Variants in RNF166 observed in about 807,000 individuals in gnomAD.
The protein encoded by RNF166 is ring finger protein 166.
RNF166 carries 19 observed loss-of-function variants against 29.4 expected under a neutral mutation model. The observed-to-expected ratio is 0.65, with a 90% CI of 0.45 to 0.95. RNF166 has a LOEUF of 0.95. Ranked by LOEUF, RNF166 falls within the 40% of genes least tolerant of loss-of-function variation. RNF166 has a pLI of 0.00. For synonymous variants in RNF166, 171 were observed against 134.5 expected (o/e 1.27, Z -1.88); for missense variants, 347 against 322.1 (o/e 1.08, Z -0.59).
Position 88,698,564 on chromosome 16 carries a change from T to C in RNF166, c.586A>G (p.Lys196Glu), listed in dbSNP as rs1455070755. The C allele has an allele frequency of 1.3e-6, 2 of 1,569,528 alleles. No homozygotes were observed. Among genetic ancestry groups the C allele is most frequent in the African/African-American group, 2.7e-5 (2 of 73,768 alleles). ...AGGTGCTGCAGGAAGTTGGCGCTCT[T>C]GTAGCTGGGGTCCCCCCAGGGCATT... ...SAMPWGDPSYKSANFLQHLLH... is the reference protein window; with the variant it reads ...SAMPWGDPSYESANFLQHLLH... The change falls in exon 5 of 6, where the codon AAG becomes GAG. Residue 196 changes from lysine to glutamate, a missense_variant. By Grantham distance (56) the Lys-to-Glu change is moderately conservative (BLOSUM62 1). Coordinates refer to ENST00000312838, the MANE Select transcript of RNF166 (RefSeq NM_178841.4).
chr16:88,701,382 C>T lies in RNF166; in HGVS notation c.192G>A (p.Val64=), dbSNP rs1408841791. ...GGCAGAGTGGGCACAGCGGGGATGG[C>T]ACCTGCAGGCAGGGCTGGAGACACT... ...CGECLQPCLQ[V]PSPLCPLCRL... The change falls in exon 2 of 6, where the codon GTG becomes GTA. Residue 64 remains valine, a synonymous_variant. Transcript: ENST00000312838. 4 of 1,610,670 alleles carry T rather than the reference C, an allele frequency of 2.5e-6. No homozygotes were observed. The highest frequency in any genetic ancestry group is 2.2e-5 in the East Asian group (1 of 44,860).
intron 1 of RNF166, chr16:88,701,655 T>G (rs1369864943): frequency 4.2e-6 from 2 of 477,926 alleles, no homozygotes; most frequent in South Asian, 3.3e-5. Flanking sequence ...CTGTGGTTTC[T>G]GGCTAGCGGC....
rs769560580 is a variant in RNF166 at position 88,701,396 on chromosome 16, G to A, written c.178C>T (p.Pro60Ser). The A allele has an allele frequency of 1.2e-6, 2 of 1,605,188 alleles. No individual in the cohort carries two copies. Among genetic ancestry groups the A allele is most frequent in the Non-Finnish European group, 8.5e-7 (1 of 1,176,580 alleles). The change falls in exon 2 of 6, where the codon CCC becomes TCC. Residue 60 changes from proline to serine, a missense_variant. Coordinates refer to ENST00000312838, the MANE Select transcript of RNF166 (RefSeq NM_178841.4). ...AGCGGGGATGGCACCTGCAGGCAGG[G>A]CTGGAGACACTCCCCGCAGAACCTG... ...GHTFCGECLQ[P>S]CLQVPSPLCP...
chr16:88,699,094 GC>G lies in RNF166; in HGVS notation c.426-10del. 1 of 1,585,244 alleles carries G rather than the reference GC, an allele frequency of 6.3e-7. No individual in the cohort carries two copies. Among genetic ancestry groups the G allele is most frequent in the Non-Finnish European group, 8.6e-7 (1 of 1,161,374 alleles). Reference sequence around the variant, plus strand: ...ACCTGTTGGGGATGTTGCTGGCGGGGCGGGGGTAGAGTGAGTGGCACGGCTA... The same window carrying G: ...ACCTGTTGGGGATGTTGCTGGCGGGGGGGGGTAGAGTGAGTGGCACGGCTA... On this transcript the variant is annotated splice_polypyrimidine_tract_variant and intron_variant, in intron 3 of 5. Transcript: ENST00000312838.
rs574264404 is a variant in RNF166, at chr16:88,696,921, T to A, written c.*647A>T. The A allele has an allele frequency of 4.6e-6, 1 of 217,356 alleles. No individual in the cohort carries two copies. Among genetic ancestry groups the A allele is most frequent in the African/African-American group, 2.4e-5 (1 of 42,100 alleles). 13.5% of individuals were successfully genotyped at this position (217,356 alleles called of 1,614,324 possible). Reference sequence around the variant, plus strand: ...AGCTGCCCCACTGCTCCTTCCATCCTTGCCCCAATCCCCCAATGCTTGTTT... The same window carrying A: ...AGCTGCCCCACTGCTCCTTCCATCCATGCCCCAATCCCCCAATGCTTGTTT... On this transcript the variant is annotated 3_prime_UTR_variant, in exon 6 of 6. Coordinates refer to ENST00000312838, the MANE Select transcript of RNF166 (RefSeq NM_178841.4).
intron 2 of RNF166, among the ~76,000 whole-genome samples, 156 bp downstream of exon 2, chr16:88,701,106 G>A (rs1910172878): frequency 6.6e-6 from 1 of 152,150 alleles, no homozygotes; most frequent in Non-Finnish European, 1.5e-5. Flanking sequence ...GGGAGGGGAG[G>A]GAGGCGCCGG....
intron 1 of RNF166, chr16:88,703,816 A>C (rs45440295): frequency 7.1e-6 from 7 of 985,188 alleles, no homozygotes; most frequent in Non-Finnish European, 8.4e-6. Flanking sequence ...TGGCCGCTGC[A>C]CAAGCTGAGA....
Position 88,706,395 on chromosome 16 carries a change from T to C in RNF166, c.-70A>G. On this transcript the variant is annotated 5_prime_UTR_variant, in exon 1 of 6. Transcript: ENST00000312838. ...GGGCCGGCCCGCTAGTCACAGCCGC[T>C]ACTGCGCCGCGCTGACGTCATCGTA... The C allele has an allele frequency of 2.5e-6, 3 of 1,222,042 alleles. No individual in the cohort carries two copies. The highest frequency in any genetic ancestry group is 6.1e-5 in the South Asian group (2 of 32,902). The allele number at this position is 1,222,042 out of a possible 1,614,324, so 75.7% of individuals were successfully genotyped here. A position where few individuals can be genotyped will look rare whatever the true frequency, so the allele number is the denominator to read the frequency against.
chr16:88,704,416 G>A (rs1910560842), intron 1 of RNF166: 21 of 985,388 alleles, frequency 2.1e-5, no homozygotes, highest in Non-Finnish European at 2.3e-5. Context: ...ATGGCAGAGG[G>A]GAGTTTTATA....
rs58769233 is a variant in RNF166 at position 88,697,666 on chromosome 16, G to A, written c.649-33C>T. 769 of 1,495,146 alleles carry A rather than the reference G, an allele frequency of 5.1e-4. 1 individual carries two copies. The African/African-American group carries it at 9.3e-3, about 18-fold the overall frequency. The allele number at this position is 1,495,146 out of a possible 1,614,324, so 92.6% of individuals were successfully genotyped here. A position where few individuals can be genotyped will look rare whatever the true frequency, so the allele number is the denominator to read the frequency against. On this transcript the variant is annotated intron_variant, in intron 5 of 5. Transcript: ENST00000312838. ...CAGGAAGGAGAGATGCACCGGGCTC[G>A]AGGGAGACAGGAAGGAGAGGTCCCC...
intron 1 of RNF166, chr16:88,702,727 A>G: frequency 1.0e-6 from 1 of 985,436 alleles, no homozygotes; most frequent in Non-Finnish European, 1.2e-6. Flanking sequence ...TCAGAAAGTG[A>G]ACAAGCCTTT....
intron 5 of RNF166, 68 bp from the exon 6 acceptor site, chr16:88,697,701 C>G: frequency 1.7e-6 from 2 of 1,202,184 alleles, no homozygotes; most frequent in Middle Eastern, 1.9e-4. Context: ...CTCTGCCCAT[C>G]ACCCACACAG....
intron 1 of RNF166, chr16:88,701,635 C>T: frequency 1.9e-6 from 1 of 523,740 alleles, no homozygotes; most frequent in Non-Finnish European, 3.3e-6. Flanking sequence ...TCCCTCCTGA[C>T]AGTAGGCCCC....
chr16:88,702,052 C>T (rs918595723), intron 1 of RNF166, among the ~76,000 whole-genome samples: 5 of 152,206 alleles, frequency 3.3e-5, no homozygotes, highest in Non-Finnish European at 7.3e-5. Flanking sequence ...TGGCTCTTGG[C>T]ACTGCCCCTG....
At chr16:88,705,681 C>T (rs1319961869) in intron 1 of RNF166, among the ~76,000 whole-genome samples, 1 of 152,266 alleles carries the variant, frequency 6.6e-6, no homozygotes, top group Non-Finnish European at 1.5e-5. Context: ...AGACTCCAAA[C>T]AAGCCCCTCT....
chr16:88,706,272 GGCCGGCGGCTGCCGCTGCTGA>G lies in RNF166; in HGVS notation c.33_53del (p.Gln12_Ala18del). 7.7e-7 allele frequency: 1 copy of G among 1,298,968 alleles called. No homozygotes were observed. Among genetic ancestry groups the G allele is most frequent in the Non-Finnish European group, 9.8e-7 (1 of 1,022,100 alleles). 80.5% of individuals were successfully genotyped at this position (1,298,968 alleles called of 1,614,324 possible). A position where few individuals can be genotyped will look rare whatever the true frequency, so the allele number is the denominator to read the frequency against. On this transcript the variant is annotated inframe_deletion, in exon 1 of 6. Coordinates refer to ENST00000312838, the MANE Select transcript of RNF166 (RefSeq NM_178841.4). The stretch of plus-strand genomic sequence containing the variant: ...GGCCGCTGTCGCCGCCCGCCGGCCC[GGCCGGCGGCTGCCGCTGCTGA>G]GCCGAGGCCACCAGGCTGCGGAACA...
At chr16:88,705,580 GGTCA>G (rs1910702998) in intron 1 of RNF166, among the ~76,000 whole-genome samples, 1 of 152,186 alleles carries the variant, frequency 6.6e-6, no homozygotes, top group Non-Finnish European at 1.5e-5. Flanking sequence ...CCAGCAAGGT[GGTCA>G]GTGTCTGCTC....
At chr16:88,698,934 C>A (rs1567635192) in intron 4 of RNF166, 37 bp downstream of exon 4, 4 of 1,471,906 alleles carry the variant, frequency 2.7e-6, no homozygotes, top group Non-Finnish European at 3.7e-6. Context: ...ACAGGCCTCC[C>A]CTGGCGCAGG....
At chr16:88,702,947 G>A (rs1910402929) in intron 1 of RNF166, 1 of 985,380 alleles carries the variant, frequency 1.0e-6, no homozygotes. Context: ...GGCACTCATG[G>A]CAGGAGAAGC....
Sources: allele counts gnomAD v4.1 joint callset (sites outside exome capture counted in the v4.1 genomes callset), GRCh38; gene constraint gnomAD v4.1.1; transcripts MANE v1.5; gene names NCBI Gene and HGNC (gene_info 2026-07-23, HGNC 2026-07-21).